NKAIN2: variants seen among roughly 807,000 people sequenced by gnomAD.
NKAIN2 encodes the protein sodium/potassium transporting ATPase interacting 2.
Under a neutral mutation model 32.6 loss-of-function variants are expected in NKAIN2, and 14 were observed. The observed-to-expected ratio is 0.43, with a 90% CI of 0.28 to 0.67. The LOEUF (loss-of-function observed/expected upper bound fraction) is 0.67. NKAIN2 is among the 30% of genes least tolerant of loss of function. The pLI is 0.17. For missense variants in NKAIN2, 198 were observed against 258.3 expected, an observed-to-expected ratio of 0.77 and a Z score of 1.60; for synonymous variants, 80 against 87.2, an observed-to-expected ratio of 0.92 and a Z score of 0.46.
chr6:123,895,711 A>C (rs1774248330), intron 1 of NKAIN2, among the ~76,000 whole-genome samples: 1 of 152,230 alleles, frequency 6.6e-6, no homozygotes, highest in South Asian at 2.1e-4. Context: ...GTAGATGCAA[A>C]TGCAGTGAAC....
At chr6:124,302,659 C>A (rs1308334570) in intron 2 of NKAIN2, among the ~76,000 whole-genome samples, 1 of 152,006 alleles carries the variant, frequency 6.6e-6, no homozygotes, top group Non-Finnish European at 1.5e-5. Flanking sequence ...CTGCCATGTT[C>A]CAGGCACTTT....
intron 1 of NKAIN2, among the ~76,000 whole-genome samples, chr6:123,923,125 AAAAAAAAC>A (rs1209613170): frequency 3.6e-5 from 3 of 83,068 alleles, no homozygotes; most frequent in East Asian, 9.0e-4. Context: ...AGGGATTACC[AAAAAAAAC>A]AAAAAAAAGA....
chr6:124,589,927 G>A (rs1384124114), intron 3 of NKAIN2, among the ~76,000 whole-genome samples: 1 of 151,836 alleles, frequency 6.6e-6, no homozygotes, highest in African/African-American at 2.4e-5. Context: ...AACATGCAGT[G>A]TTTGGTTTTC....
chr6:124,788,447 G>A (rs554722821), intron 4 of NKAIN2, among the ~76,000 whole-genome samples: 5 of 152,148 alleles, frequency 3.3e-5, no homozygotes, highest in South Asian at 2.1e-4. Flanking sequence ...AGACATACCC[G>A]AGACTGGGTA....
chr6:124,260,013 A>G (rs191392241), intron 1 of NKAIN2, among the ~76,000 whole-genome samples: 44 of 152,306 alleles, frequency 2.9e-4, no homozygotes, highest in Non-Finnish European at 4.6e-4. Flanking sequence ...AATGAACTCA[A>G]TGATTAGTAA....
At chr6:124,323,349 A>G (rs1797273305) in intron 2 of NKAIN2, among the ~76,000 whole-genome samples, 1 of 152,144 alleles carries the variant, frequency 6.6e-6, no homozygotes. Context: ...ACTGCCAACT[A>G]CTCATTCTCA....
intron 3 of NKAIN2, among the ~76,000 whole-genome samples, chr6:124,411,373 C>T (rs1401550816): frequency 2.5e-4 from 38 of 151,208 alleles, no homozygotes; most frequent in Admixed American, 1.9e-3. Flanking sequence ...TTAGGGCAGG[C>T]CTGGTGGTGA....
intron 1 of NKAIN2, among the ~76,000 whole-genome samples, chr6:123,943,311 A>G (rs1249436291): frequency 6.6e-6 from 1 of 152,088 alleles, no homozygotes; most frequent in East Asian, 1.9e-4. Context: ...TGGGACAGAT[A>G]TATACAGCTT....
intron 1 of NKAIN2, among the ~76,000 whole-genome samples, chr6:124,005,367 G>T (rs1272294924): frequency 2.6e-5 from 4 of 151,956 alleles, no homozygotes; most frequent in African/African-American, 9.7e-5. Flanking sequence ...GCAAATATTT[G>T]CATATACCCC....
chr6:124,263,480 C>A (rs1208115925), intron 1 of NKAIN2, among the ~76,000 whole-genome samples: 1 of 152,144 alleles, frequency 6.6e-6, no homozygotes, highest in Non-Finnish European at 1.5e-5. Context: ...CTTCAGTCTG[C>A]CTGACTCTGT....
At chr6:123,999,724 G>A (rs1779792310) in intron 1 of NKAIN2, among the ~76,000 whole-genome samples, 1 of 152,026 alleles carries the variant, frequency 6.6e-6, no homozygotes, top group South Asian at 2.1e-4. Flanking sequence ...TTTTTGGAAG[G>A]CTGTTTCAGG....
At chr6:124,478,844 A>C (rs537735525) in intron 3 of NKAIN2, among the ~76,000 whole-genome samples, 2 of 152,310 alleles carry the variant, frequency 1.3e-5, no homozygotes, top group African/African-American at 4.8e-5. Flanking sequence ...CAAATAGTAC[A>C]GTATGGAAGT....
intron 3 of NKAIN2, among the ~76,000 whole-genome samples, chr6:124,653,324 G>C (rs1238917547): frequency 6.6e-6 from 1 of 151,022 alleles, no homozygotes; most frequent in Non-Finnish European, 1.5e-5. Flanking sequence ...ACAGAATAGA[G>C]AACCTAGAAG....
rs56154164 is a variant in NKAIN2 at position 124,740,447 on chromosome 6, C to CGTGTGTGTGTGTGTGTGT, written c.475-50882_475-50865dup. 3.5e-4 allele frequency among the ~76,000 whole-genome samples: 51 copies of CGTGTGTGTGTGTGTGTGT among 143,852 alleles called. 1 individual carries two copies. The highest frequency in any genetic ancestry group is 3.5e-3 in the Middle Eastern group (1 of 284). The allele number at this position is 143,852 out of a possible 152,430, so 94.4% of individuals were successfully genotyped here. A position where few individuals can be genotyped will look rare whatever the true frequency, so the allele number is the denominator to read the frequency against. ...ACATATATATATATACACATATACA[C>CGTGTGTGTGTGTGTGTGT]GTGTGTGTGTGTGTGTGTGTGTGTG... On this transcript the variant is annotated intron_variant, in intron 4 of 6. Coordinates refer to ENST00000368417, the MANE Select transcript of NKAIN2 (RefSeq NM_001040214.3).
chr6:124,621,283 A>G (rs1783097678), intron 3 of NKAIN2, among the ~76,000 whole-genome samples: 1 of 152,214 alleles, frequency 6.6e-6, no homozygotes, highest in African/African-American at 2.4e-5. Flanking sequence ...TATACACTGC[A>G]TTTCTGGAAT....
chr6:124,185,247 T>C (rs1444098800), intron 1 of NKAIN2, among the ~76,000 whole-genome samples: 2 of 152,062 alleles, frequency 1.3e-5, no homozygotes, highest in Non-Finnish European at 2.9e-5. Flanking sequence ...TGCAAGTAAC[T>C]TATTCATTTC....
intron 4 of NKAIN2, among the ~76,000 whole-genome samples, chr6:124,770,150 C>G (rs925160494): frequency 1.3e-5 from 2 of 152,164 alleles, no homozygotes; most frequent in Non-Finnish European, 2.9e-5. Context: ...CATTAACAAA[C>G]TAAACATTAC....
At position 124,426,079 on chromosome 6, in the gene NKAIN2, T is replaced by C. The variant is rs1774969285; in HGVS notation, c.273+70732T>C. Reference sequence around the variant, plus strand: ...TGACCTTTATCTTTCTCCTTAATACTGTCTTCTCCCTTGGAATATGTAGCT... The same window carrying C: ...TGACCTTTATCTTTCTCCTTAATACCGTCTTCTCCCTTGGAATATGTAGCT... On this transcript the variant is annotated intron_variant, in intron 3 of 6. Coordinates refer to ENST00000368417, the MANE Select transcript of NKAIN2 (RefSeq NM_001040214.3). Among the ~76,000 whole-genome samples, 3 of 152,092 alleles carry C rather than the reference T, an allele frequency of 2.0e-5. No homozygotes were observed. In the South Asian group the frequency reaches 6.2e-4, roughly 31 times the overall value.
intron 2 of NKAIN2, among the ~76,000 whole-genome samples, chr6:124,329,141 T>C (rs1322924201): frequency 1.3e-5 from 2 of 152,176 alleles, no homozygotes; most frequent in Non-Finnish European, 2.9e-5. Context: ...TCTACCAGTC[T>C]GGCCAGCTTA....
Sources: gnomAD v4.1 joint callset for allele counts (sites outside exome capture counted in the v4.1 genomes callset) on GRCh38, gnomAD v4.1.1 for gene constraint, MANE v1.5 for transcripts, NCBI Gene and HGNC (gene_info 2026-07-23, HGNC 2026-07-21) for gene names.